Variants in SPACA1 observed in about 807,000 individuals in gnomAD.
SPACA1 encodes sperm acrosome associated 1, also known as sperm acrosome membrane-associated protein 1.
A neutral mutation model predicts 32.6 loss-of-function variants in SPACA1; 17 were observed. The observed-to-expected ratio is 0.52, with a 90% CI of 0.36 to 0.78. The LOEUF (loss-of-function observed/expected upper bound fraction) is 0.78. Ranked by LOEUF, SPACA1 falls within the 30% of genes least tolerant of loss-of-function variation. The pLI is 0.01. For synonymous variants in SPACA1, 140 were observed against 138.1 expected, an observed-to-expected ratio of 1.01 and a Z score of -0.10; for missense variants, 363 against 373.4, an observed-to-expected ratio of 0.97 and a Z score of 0.23.
chr6:88,065,605 T>C (rs980758579), intron 6 of SPACA1, among the ~76,000 whole-genome samples: 2 of 150,986 alleles, frequency 1.3e-5, no homozygotes, highest in Admixed American at 6.6e-5. Flanking sequence ...ATGATTTTGT[T>C]ATGTATTGTA....
At chr6:88,048,157 T>C in intron 1 of SPACA1, 44 bp downstream of exon 1, 1 of 1,534,592 alleles carries the variant, frequency 6.5e-7, no homozygotes, top group Non-Finnish European at 8.8e-7. Flanking sequence ...AGGCCCCTGT[T>C]GACGGAGCAA....
chr6:88,054,384 C>G (rs1008237033), intron 2 of SPACA1, among the ~76,000 whole-genome samples: 2 of 152,030 alleles, frequency 1.3e-5, no homozygotes, highest in Admixed American at 6.5e-5. Context: ...TGTAATAGTC[C>G]ATTCTAAATT....
Position 88,059,498 on chromosome 6 carries a change from A to C in SPACA1, c.520A>C (p.Lys174Gln), listed in dbSNP as rs1223017322. 5 of 1,613,392 alleles carry C rather than the reference A, an allele frequency of 3.1e-6. No individual in the cohort carries two copies. In the Admixed American group the frequency reaches 8.3e-5, roughly 27 times the overall value. Residue 174 changes from lysine to glutamine, a missense_variant, in exon 5 of 7, where the codon AAG becomes CAG. By Grantham distance (53) the Lys-to-Gln change is moderately conservative (BLOSUM62 1). Transcript: ENST00000237201. ...TGATTCAGCAATCCTAGAAGTACGC[A>C]AGGAAAGTCACCCCTTGGCTTTCGA... ...VNDSAILEVR[K>Q]ESHPLAFECD...
In SPACA1 at chr6:88,057,645, G is replaced by A. The variant is rs765093783; in HGVS notation, c.299G>A (p.Gly100Glu). 1 of 1,614,034 alleles carries A rather than the reference G, an allele frequency of 6.2e-7. No individual in the cohort carries two copies. The highest frequency in any genetic ancestry group is 1.7e-5 in the Admixed American group (1 of 60,026). The change falls in exon 3 of 7, where the codon GGA becomes GAA. Residue 100 changes from glycine (G) to glutamate (E), a missense_variant. By Grantham distance (98) the Gly-to-Glu change is moderately conservative. Coordinates refer to ENST00000237201, the MANE Select transcript of SPACA1 (RefSeq NM_030960.3). ...GTTAGAGAAGTTATATTAACAAATGGATGCCCTGGTGGTGAATCCAAGTGT... is the reference window on the plus strand; with the variant it reads ...GTTAGAGAAGTTATATTAACAAATGAATGCCCTGGTGGTGAATCCAAGTGT... Reference protein sequence around the residue: ...IGVREVILTNGCPGGESKCVV... With the variant: ...IGVREVILTNECPGGESKCVV...
intron 1 of SPACA1, among the ~76,000 whole-genome samples, chr6:88,049,097 G>T (rs1022156876): frequency 3.3e-5 from 5 of 152,176 alleles, no homozygotes; most frequent in African/African-American, 1.2e-4. Context: ...ATCGAGGTTT[G>T]CACGGCCTTG....
intron 6 of SPACA1, chr6:88,064,435 A>G (rs1355773354): frequency 9.9e-6 from 3 of 302,572 alleles, no homozygotes; most frequent in Non-Finnish European, 1.8e-5. Flanking sequence ...TGCTTCTCCA[A>G]CTATGAGAGA....
intron 1 of SPACA1, among the ~76,000 whole-genome samples, chr6:88,051,569 G>C (rs1395224938): frequency 2.6e-5 from 4 of 152,212 alleles, no homozygotes; most frequent in Non-Finnish European, 4.4e-5. Flanking sequence ...GCTTTTGTTA[G>C]TGTAGTCTAA....
At chr6:88,060,498 C>T (rs947493053) in intron 5 of SPACA1, among the ~76,000 whole-genome samples, 1 of 152,098 alleles carries the variant, frequency 6.6e-6, no homozygotes, top group African/African-American at 2.4e-5. Flanking sequence ...CACAACGTAA[C>T]CATTTTATTG....
intron 1 of SPACA1, among the ~76,000 whole-genome samples, chr6:88,049,705 T>G (rs2127797500): frequency 6.6e-6 from 1 of 152,300 alleles, no homozygotes; most frequent in Admixed American, 6.5e-5. Flanking sequence ...AAGAAGAATT[T>G]AAACATGGAA....
intron 6 of SPACA1, among the ~76,000 whole-genome samples, 196 bp from the exon 7 acceptor site, chr6:88,065,986 A>G (rs1401653743): frequency 1.3e-5 from 2 of 151,976 alleles, no homozygotes; most frequent in East Asian, 3.8e-4. Flanking sequence ...ATATATATAC[A>G]GGTACAAATA....
intron 1 of SPACA1, 50 bp downstream of exon 1, chr6:88,048,163 A>G: frequency 1.3e-6 from 2 of 1,513,774 alleles, no homozygotes; most frequent in Non-Finnish European, 1.8e-6. Flanking sequence ...CTGTTGACGG[A>G]GCAAAGGCCT....
chr6:88,066,074 TACAC>T (rs974403179), intron 6 of SPACA1, 104 bp from the exon 7 acceptor site: 3 of 782,034 alleles, frequency 3.8e-6, no homozygotes, highest in Non-Finnish European at 5.7e-6. Context: ...ATACAGGTAA[TACAC>T]ACACACACAT....
At chr6:88,048,151 C>G in intron 1 of SPACA1, 38 bp downstream of exon 1, 1 of 1,543,630 alleles carries the variant, frequency 6.5e-7, no homozygotes, top group Admixed American at 2.0e-5. Context: ...ACGCGGAGGC[C>G]CCTGTTGACG....
At chr6:88,066,082 C>A (rs1775979749) in intron 6 of SPACA1, 100 bp from the exon 7 acceptor site, 3 of 913,680 alleles carry the variant, frequency 3.3e-6, no homozygotes, top group Non-Finnish European at 4.7e-6. Context: ...AATACACACA[C>A]ACACATATAT....
intron 5 of SPACA1, among the ~76,000 whole-genome samples, chr6:88,061,268 G>GT (rs557118599): frequency 1.4e-3 from 212 of 152,222 alleles, no homozygotes; most frequent in African/African-American, 4.8e-3. Context: ...ATTAGGCATT[G>GT]TTAAAAAAGA....
intron 2 of SPACA1, among the ~76,000 whole-genome samples, chr6:88,055,803 T>A (rs1280576976): frequency 6.6e-6 from 1 of 151,964 alleles, no homozygotes; most frequent in Non-Finnish European, 1.5e-5. Flanking sequence ...ACCCCATCTC[T>A]ACTAAAAATA....
chr6:88,047,480 CATT>C (rs1441501080), upstream of SPACA1, among the ~76,000 whole-genome samples: 1 of 152,110 alleles, frequency 6.6e-6, no homozygotes, highest in Admixed American at 6.5e-5. Context: ...GAAGGGTAAA[CATT>C]ATGTACGAAA....
chr6:88,056,309 G>A (rs767129475), intron 2 of SPACA1, among the ~76,000 whole-genome samples: 6 of 152,250 alleles, frequency 3.9e-5, no homozygotes, highest in Non-Finnish European at 5.9e-5. Flanking sequence ...AGCTGAGATC[G>A]CGCCACTGCA....
chr6:88,047,498 A>G (rs1033574737), upstream of SPACA1, among the ~76,000 whole-genome samples: 1 of 152,224 alleles, frequency 6.6e-6, no homozygotes, highest in African/African-American at 2.4e-5. Flanking sequence ...ACGAAAAAGA[A>G]ATGTCTTAAA....
Sources: allele counts gnomAD v4.1 joint callset (sites outside exome capture counted in the v4.1 genomes callset), GRCh38; gene constraint gnomAD v4.1.1; transcripts MANE v1.5; gene names NCBI Gene and HGNC (gene_info 2026-07-23, HGNC 2026-07-21).